ADGRV1: variants seen among roughly 807,000 people sequenced by gnomAD.
ADGRV1 encodes adhesion G protein-coupled receptor V1.
ADGRV1 carries 359 observed loss-of-function variants against 596.2 expected under a neutral mutation model. The observed-to-expected ratio is 0.60, with a 90% CI of 0.55 to 0.66. The LOEUF is 0.66. Among genes scored for constraint, ADGRV1 ranks in the 30% least tolerant of loss-of-function variants. The pLI, the probability that ADGRV1 is intolerant of heterozygous loss-of-function variation, is 0.00. For synonymous variants in ADGRV1, 2,681 were observed against 2,679.2 expected (o/e 1.00, Z -0.02); for missense variants, 7,274 against 7,575.6 (o/e 0.96, Z 1.48).
chr5:90,766,723 T>A (rs1757187585), intron 59 of ADGRV1, among the ~76,000 whole-genome samples: 1 of 152,188 alleles, frequency 6.6e-6, no homozygotes, highest in Non-Finnish European at 1.5e-5. Flanking sequence ...CTGTAACTTG[T>A]AAGAATGACT....
intron 1 of ADGRV1, among the ~76,000 whole-genome samples, chr5:90,589,700 T>A (rs556566965): frequency 6.6e-6 from 1 of 152,314 alleles, no homozygotes; most frequent in South Asian, 2.1e-4. Context: ...CCCTGGGTGT[T>A]TATACCCACA....
intron 9 of ADGRV1, among the ~76,000 whole-genome samples, chr5:90,633,062 T>C (rs969388720): frequency 6.6e-6 from 1 of 152,210 alleles, no homozygotes. Context: ...CTCAGCTAAA[T>C]ACGTTAGTCT....
intron 32 of ADGRV1, among the ~76,000 whole-genome samples, 180 bp downstream of exon 32, chr5:90,692,966 T>A (rs1746678974): frequency 1.3e-5 from 2 of 152,190 alleles, no homozygotes; most frequent in Admixed American, 6.6e-5. Flanking sequence ...GCCTTTCATT[T>A]ATCATACCTA....
chr5:90,653,533 G>T lies in ADGRV1; in HGVS notation c.3959G>T (p.Arg1320Leu), dbSNP rs373945216. The T allele has an allele frequency of 6.2e-7, 1 of 1,613,772 alleles. No homozygotes were observed. The highest frequency in any genetic ancestry group is 1.7e-5 in the Admixed American group (1 of 59,958). Residue 1320 changes from arginine to leucine, a missense_variant, in exon 20 of 90, where the codon CGT becomes CTT. By Grantham distance (102) the Arg-to-Leu change is moderately radical. This residue lies in a region of ADGRV1 where 1,715 missense variants were observed against 1,708.8 expected (regional missense o/e 1.00). Transcript: ENST00000405460. ...GTGCATTTACAACAGCACATGCGGC[G>T]TCACCACAGTGGAACGGATGCTTTG... ...TTVHLQQHMR[R>L]HHSGTDALYF...
At position 90,787,229 on chromosome 5, in the gene ADGRV1, T is replaced by G. The variant is rs530906887; in HGVS notation, c.13654-842T>G. Among the ~76,000 whole-genome samples, 3 of 152,330 alleles carry G rather than the reference T, an allele frequency of 2.0e-5. No individual in the cohort carries two copies. In the East Asian group the frequency reaches 5.8e-4, roughly 29 times the overall value. The stretch of plus-strand genomic sequence containing the variant: ...TGCCCAATGTTCTTTCTTTGTAGAT[T>G]GTGTGAGAGGCATACCATTTCAAAT... On this transcript the variant is annotated intron_variant, in intron 67 of 89. Transcript: ENST00000405460.
In ADGRV1 at chr5:90,853,303, A is replaced by G. The variant is rs1372861518; in HGVS notation, c.17224A>G (p.Ser5742Gly). The G allele has an allele frequency of 6.2e-7, 1 of 1,609,400 alleles. No homozygotes were observed. The highest frequency in any genetic ancestry group is 8.5e-7 in the Non-Finnish European group (1 of 1,176,954). Residue 5742 changes from serine to glycine, a missense_variant, in exon 80 of 90, where the codon AGT (serine) becomes GGT (glycine). Ser to Gly is a moderately conservative substitution (Grantham distance 56). Around this residue, in one of 5 missense-constraint regions of ADGRV1, gnomAD observed 1,874 missense variants for 1,970.2 expected, o/e 0.95. Coordinates refer to ENST00000405460, the MANE Select transcript of ADGRV1 (RefSeq NM_032119.4). Reference sequence around the variant, plus strand: ...TTGTAGAAGCAAAACCATCCTTGATAGTTGCCCATATTTGTCAATATTGGC... The same window carrying G: ...TTGTAGAAGCAAAACCATCCTTGATGGTTGCCCATATTTGTCAATATTGGC... The part of the protein sequence containing the change: ...PGEKSKTILD[S>G]CPYLSILALH...
At chr5:90,834,486 A>T (rs1764791555) in intron 77 of ADGRV1, among the ~76,000 whole-genome samples, 1 of 152,020 alleles carries the variant, frequency 6.6e-6, no homozygotes, top group Non-Finnish European at 1.5e-5. Flanking sequence ...TAAGGTTTCC[A>T]CTGAAAAGTT....
chr5:90,563,848 A>T (rs1032694902), intron 1 of ADGRV1, among the ~76,000 whole-genome samples: 3 of 152,324 alleles, frequency 2.0e-5, no homozygotes, highest in African/African-American at 7.2e-5. Flanking sequence ...AATTTTGACA[A>T]TTAGGTAGTA....
intron 1 of ADGRV1, among the ~76,000 whole-genome samples, chr5:90,570,745 C>CTT (rs1383032179): frequency 1.3e-5 from 2 of 151,182 alleles, no homozygotes; most frequent in African/African-American, 4.9e-5. Flanking sequence ...AGTTATTTTA[C>CTT]TTCTCAACTC....
chr5:90,759,945 CAT>C (rs1464465387), intron 58 of ADGRV1: 2 of 82,400 alleles, frequency 2.4e-5, no homozygotes, highest in Non-Finnish European at 4.3e-5. Context: ...AGCCTGGCGA[CAT>C]AGAGAGACTC....
At chr5:90,659,136 C>A (rs533614404) in intron 21 of ADGRV1, among the ~76,000 whole-genome samples, 32 of 152,260 alleles carry the variant, frequency 2.1e-4, no homozygotes, top group Non-Finnish European at 3.7e-4. Flanking sequence ...TGGTGGCAGT[C>A]TTAAGAGATC....
intron 85 of ADGRV1, among the ~76,000 whole-genome samples, chr5:91,002,968 T>C (rs371617780): frequency 1.3e-5 from 2 of 152,300 alleles, no homozygotes; most frequent in South Asian, 2.1e-4. Context: ...CAATGAAATA[T>C]ATGGAAAATG....
At chr5:90,835,881 T>C (rs2438380) in intron 77 of ADGRV1, among the ~76,000 whole-genome samples, 125,854 of 152,130 alleles carry the variant, frequency 0.83, 53,915 homozygotes, top group Non-Finnish European at 0.94. Context: ...AGAAAGGGAA[T>C]GATAAAAAGG....
chr5:90,570,740 T>A (rs1756411505), intron 1 of ADGRV1, among the ~76,000 whole-genome samples: 1 of 151,948 alleles, frequency 6.6e-6, no homozygotes, highest in African/African-American at 2.4e-5. Flanking sequence ...AATGTAGTTA[T>A]TTTACTTCTC....
intron 21 of ADGRV1, among the ~76,000 whole-genome samples, chr5:90,671,474 A>G (rs1183606087): frequency 6.6e-6 from 1 of 152,158 alleles, no homozygotes; most frequent in Non-Finnish European, 1.5e-5. Flanking sequence ...CCTCTTTACC[A>G]TGAGAACACC....
intron 85 of ADGRV1, among the ~76,000 whole-genome samples, chr5:91,047,985 T>C (rs1028140960): frequency 1.3e-5 from 2 of 152,226 alleles, no homozygotes; most frequent in Non-Finnish European, 2.9e-5. Flanking sequence ...TAGTTAAAAC[T>C]ACTATCCTTC....
chr5:90,814,236 T>C (rs1762699607), intron 74 of ADGRV1, among the ~76,000 whole-genome samples: 1 of 152,204 alleles, frequency 6.6e-6, no homozygotes, highest in South Asian at 2.1e-4. Context: ...AGCCCATCAC[T>C]TGCATGTCCC....
chr5:90,691,207 C>T (rs1036943840), intron 31 of ADGRV1, 166 bp downstream of exon 31: 4 of 878,788 alleles, frequency 4.6e-6, no homozygotes, highest in Admixed American at 3.9e-5. Flanking sequence ...TTGACAAAAG[C>T]AGGAATATTC....
chr5:90,811,222 A>T lies in ADGRV1; in HGVS notation c.15962A>T (p.Glu5321Val). ...TCAGTTCAAATTTTGGATGATGATG[A>T]GCCTGAGGGGCAGGAATTCTTCTAC... ...KVSVQILDDD[E>V]PEGQEFFYVF... Residue 5321 changes from glutamate (E) to valine (V), a missense_variant, in exon 74 of 90, where the codon GAG becomes GTG. This residue lies in a region of ADGRV1 where 1,874 missense variants were observed against 1,970.2 expected (regional missense o/e 0.95). Transcript: ENST00000405460. 1.9e-6 allele frequency: 3 copies of T among 1,613,092 alleles called. No individual in the cohort carries two copies. Among genetic ancestry groups the T allele is most frequent in the Non-Finnish European group, 2.5e-6 (3 of 1,179,424 alleles).
Sources: gnomAD v4.1 joint callset for allele counts (sites outside exome capture counted in the v4.1 genomes callset) on GRCh38, gnomAD v4.1.1 for gene constraint, gnomAD v4.1.1 regional missense constraint, MANE v1.5 for transcripts, NCBI Gene and HGNC (gene_info 2026-07-23, HGNC 2026-07-21) for gene names.